The following LRRC72 variants were observed in gnomAD, a reference collection of about 807,000 sequenced individuals.
LRRC72 encodes the protein leucine-rich repeat-containing protein 72.
Under a neutral mutation model 35.8 loss-of-function variants are expected in LRRC72, and 41 were observed. That is an observed-to-expected ratio of 1.15 (90% confidence interval 0.89 to 1.49). The LOEUF is 1.49. Ranked by LOEUF, LRRC72 falls within the 40% of genes most tolerant of loss-of-function variation. The pLI, the probability that LRRC72 is intolerant of heterozygous loss-of-function variation, is 0.00. For missense variants in LRRC72, 389 were observed against 330.7 expected (o/e 1.18, Z -1.37); for synonymous variants, 118 against 119.2 (o/e 0.99, Z 0.07).
Position 16,555,462 on chromosome 7 carries a change from T to C in LRRC72, c.235-1898T>C, listed in dbSNP as rs1782634315. ...AATCTGTTCATCAATGAGCAAAATATTTTTATTTAACTAATAATAATAGTT... is the reference window on the plus strand; with the variant it reads ...AATCTGTTCATCAATGAGCAAAATACTTTTATTTAACTAATAATAATAGTT... On this transcript the variant is annotated intron_variant, in intron 3 of 8. Transcript: ENST00000401542. Among the ~76,000 whole-genome samples the C allele has an allele frequency of 3.9e-5, 6 of 152,180 alleles. 1 individual carries two copies. The South Asian group carries it at 1.2e-3, about 32-fold the overall frequency.
chr7:16,558,508 G>A (rs1336271192), intron 4 of LRRC72, among the ~76,000 whole-genome samples: 1 of 152,118 alleles, frequency 6.6e-6, no homozygotes, highest in African/African-American at 2.4e-5. Flanking sequence ...TACGTGGGAG[G>A]CTGAGGCAGG....
chr7:16,559,162 G>A (rs1404123262), intron 5 of LRRC72, among the ~76,000 whole-genome samples, 163 bp downstream of exon 5: 1 of 152,190 alleles, frequency 6.6e-6, no homozygotes, highest in African/African-American at 2.4e-5. Context: ...GGCAGGCTGA[G>A]GTGGGCGGAT....
intron 7 of LRRC72, among the ~76,000 whole-genome samples, chr7:16,570,559 C>G (rs74399939): frequency 6.6e-6 from 1 of 152,142 alleles, no homozygotes; most frequent in East Asian, 1.9e-4. Flanking sequence ...TGGCTCATAC[C>G]TGTAATCCCA....
intron 3 of LRRC72, among the ~76,000 whole-genome samples, chr7:16,556,414 A>G (rs183545290): frequency 2.6e-4 from 39 of 152,322 alleles, no homozygotes; most frequent in African/African-American, 7.7e-4. Flanking sequence ...ATGGAGGTTC[A>G]CGAGCATAGG....
chr7:16,562,520 C>A (rs1782760763), intron 5 of LRRC72, among the ~76,000 whole-genome samples: 1 of 152,228 alleles, frequency 6.6e-6, no homozygotes, highest in Non-Finnish European at 1.5e-5. Flanking sequence ...TTAAGACCTG[C>A]TTCCTACCGG....
intron 3 of LRRC72, among the ~76,000 whole-genome samples, chr7:16,539,362 A>G (rs1337696538): frequency 7.9e-5 from 12 of 152,226 alleles, no homozygotes; most frequent in Non-Finnish European, 1.5e-4. Context: ...AGACATTTCT[A>G]AGCAGCAAAG....
chr7:16,544,501 C>T (rs1408699882), intron 3 of LRRC72, among the ~76,000 whole-genome samples: 3 of 152,184 alleles, frequency 2.0e-5, no homozygotes, highest in African/African-American at 7.2e-5. Context: ...TCTAAAGTCT[C>T]CCTTCCTCGT....
intron 3 of LRRC72, among the ~76,000 whole-genome samples, chr7:16,547,123 C>T (rs1214067977): frequency 6.6e-6 from 1 of 152,148 alleles, no homozygotes; most frequent in African/African-American, 2.4e-5. Flanking sequence ...TAACCTCACT[C>T]CTTGCTGTGT....
In LRRC72 at chr7:16,527,947, G is replaced by C. The variant is rs147456798; in HGVS notation, c.90+905G>C. Among the ~76,000 whole-genome samples the C allele has an allele frequency of 1.5e-4, 23 of 152,162 alleles. 1 individual carries two copies. In the South Asian group the frequency reaches 2.7e-3, roughly 18 times the overall value. ...TCGGGTGGTGGAAGAAGCAGCTGCTGTTCTCCCCATGCTAGAACTGTTCAC... is the reference window on the plus strand; with the variant it reads ...TCGGGTGGTGGAAGAAGCAGCTGCTCTTCTCCCCATGCTAGAACTGTTCAC... On this transcript the variant is annotated intron_variant, in intron 1 of 8. Transcript: ENST00000401542.
chr7:16,554,231 G>A (rs1177220214), intron 3 of LRRC72, among the ~76,000 whole-genome samples: 1 of 152,224 alleles, frequency 6.6e-6, no homozygotes, highest in Non-Finnish European at 1.5e-5. Context: ...TCGGGAGGCT[G>A]AGGCAGGAGA....
intron 7 of LRRC72, among the ~76,000 whole-genome samples, chr7:16,572,571 G>T (rs956511086): frequency 1.3e-5 from 2 of 152,160 alleles, no homozygotes; most frequent in African/African-American, 4.8e-5. Flanking sequence ...TATCTCAATA[G>T]ATGCAAAAAG....
chr7:16,539,784 G>A (rs1782324651), intron 3 of LRRC72, among the ~76,000 whole-genome samples: 1 of 152,212 alleles, frequency 6.6e-6, no homozygotes, highest in Non-Finnish European at 1.5e-5. Context: ...CCCAAGCCTT[G>A]GCAGCTTCCA....
At chr7:16,566,470 G>A (rs935129459) in intron 6 of LRRC72, 68 bp downstream of exon 6, 20 of 909,874 alleles carry the variant, frequency 2.2e-5, no homozygotes, top group African/African-American at 1.4e-4. Flanking sequence ...GTTTAAAAAC[G>A]AAGACTACCT....
chr7:16,541,680 G>A (rs1300750054), intron 3 of LRRC72, among the ~76,000 whole-genome samples: 2 of 152,204 alleles, frequency 1.3e-5, no homozygotes, highest in African/African-American at 2.4e-5. Flanking sequence ...TTGGGAGGCC[G>A]AGGCGAATGG....
intron 3 of LRRC72, among the ~76,000 whole-genome samples, chr7:16,556,970 G>A (rs1371995040): frequency 6.6e-6 from 1 of 152,130 alleles, no homozygotes; most frequent in Non-Finnish European, 1.5e-5. Flanking sequence ...TAAGGGGAGA[G>A]CCCTTGGCAC....
At chr7:16,561,414 G>C (rs754524901) in intron 5 of LRRC72, among the ~76,000 whole-genome samples, 34 of 152,170 alleles carry the variant, frequency 2.2e-4, no homozygotes, top group Non-Finnish European at 4.6e-4. Flanking sequence ...CTAAACAAAG[G>C]TGCCCAGCCC....
intron 3 of LRRC72, among the ~76,000 whole-genome samples, chr7:16,540,560 G>A (rs1262054508): frequency 1.3e-5 from 2 of 152,154 alleles, no homozygotes; most frequent in Non-Finnish European, 2.9e-5. Context: ...AGGGGACAGA[G>A]GCAAAATGAT....
intron 5 of LRRC72, among the ~76,000 whole-genome samples, chr7:16,562,797 C>T (rs2128337806): frequency 6.6e-6 from 1 of 152,260 alleles, no homozygotes; most frequent in Non-Finnish European, 1.5e-5. Context: ...AACAATTCAC[C>T]AAAGGAAAAG....
intron 3 of LRRC72, 149 bp downstream of exon 3, chr7:16,537,845 A>C: frequency 1.9e-6 from 1 of 538,718 alleles, no homozygotes; most frequent in East Asian, 3.2e-5. Flanking sequence ...TATATCTGGT[A>C]CATATATATA....
Sources: allele counts gnomAD v4.1 joint callset (sites outside exome capture counted in the v4.1 genomes callset), GRCh38; gene constraint gnomAD v4.1.1; transcripts MANE v1.5; gene names NCBI Gene and HGNC (gene_info 2026-07-23, HGNC 2026-07-21).